The following SFMBT2 variants were observed in gnomAD, a reference collection of about 807,000 sequenced individuals.
SFMBT2 encodes the protein Scm like with four mbt domains 2.
SFMBT2 carries 38 observed loss-of-function variants against 110.1 expected under a neutral mutation model. The observed-to-expected ratio is 0.35, with a 90% CI of 0.27 to 0.45. The LOEUF (loss-of-function observed/expected upper bound fraction) is 0.45. Ranked by LOEUF, SFMBT2 falls within the 20% of genes least tolerant of loss-of-function variation. The pLI is 1.00. For synonymous variants in SFMBT2, 425 were observed against 425.4 expected, an observed-to-expected ratio of 1.00 and a Z score of 0.01; for missense variants, 1,011 against 1,094.9, an observed-to-expected ratio of 0.92 and a Z score of 1.08.
At chr10:7,318,844 C>T (rs951200840) in intron 4 of SFMBT2, among the ~76,000 whole-genome samples, 3 of 152,206 alleles carry the variant, frequency 2.0e-5, no homozygotes, top group African/African-American at 7.2e-5. Flanking sequence ...GTACACAATT[C>T]CTCAAATCCT....
intron 7 of SFMBT2, among the ~76,000 whole-genome samples, chr10:7,253,427 TA>T: frequency 6.6e-6 from 1 of 152,280 alleles, no homozygotes; most frequent in South Asian, 2.1e-4. Context: ...AGAAATGAAT[TA>T]AACTGCAGGA....
intron 4 of SFMBT2, among the ~76,000 whole-genome samples, chr10:7,332,125 A>G (rs1218986920): frequency 6.6e-6 from 1 of 151,890 alleles, no homozygotes; most frequent in Non-Finnish European, 1.5e-5. Flanking sequence ...TATGGAGGCT[A>G]CTGGTATTGG....
chr10:7,262,377 A>C (rs191275588), intron 7 of SFMBT2, among the ~76,000 whole-genome samples: 38 of 152,314 alleles, frequency 2.5e-4, no homozygotes, highest in Middle Eastern at 3.4e-3. Context: ...AAAATGGCCC[A>C]AAAAATAAAA....
At position 7,161,012 on chromosome 10, in the gene SFMBT2, C is replaced by CCT. The variant is rs1837536873; in HGVS notation, c.*2756_*2757dup. The CCT allele has an allele frequency of 6.6e-6, 1 of 152,296 alleles. No homozygotes were observed. The highest frequency in any genetic ancestry group is 2.4e-5 in the African/African-American group (1 of 41,466). The allele number at this position is 152,296 out of a possible 1,614,324, so 9.4% of individuals were successfully genotyped here. On this transcript the variant is annotated 3_prime_UTR_variant, in exon 21 of 21. Transcript: ENST00000397167. The stretch of plus-strand genomic sequence containing the variant: ...TCCTGTGCAGTGGTCCCAGCCATCT[C>CCT]CTCCCTGGCACGTGCACAGACAGTG...
chr10:7,320,346 C>T (rs1250509092), intron 4 of SFMBT2, among the ~76,000 whole-genome samples: 1 of 152,180 alleles, frequency 6.6e-6, no homozygotes, highest in African/African-American at 2.4e-5. Flanking sequence ...TACCATCTTG[C>T]CCCGCGGTAT....
chr10:7,164,081 T>A, intron 20 of SFMBT2, 171 bp from the exon 21 acceptor site: 1 of 985,432 alleles, frequency 1.0e-6, no homozygotes, highest in Non-Finnish European at 1.2e-6. Flanking sequence ...CTGTCTAATC[T>A]TTGTGTTACT....
intron 8 of SFMBT2, 55 bp from the exon 9 acceptor site, chr10:7,243,760 T>G (rs973364952): frequency 1.6e-4 from 131 of 808,258 alleles, no homozygotes; most frequent in Non-Finnish European, 2.1e-4. Flanking sequence ...TTACATATAA[T>G]GCTAGTATAA....
chr10:7,173,779 C>A (rs1014943998), intron 17 of SFMBT2, among the ~76,000 whole-genome samples: 6 of 152,280 alleles, frequency 3.9e-5, no homozygotes, highest in Middle Eastern at 3.4e-3. Flanking sequence ...AGCCAAGGAA[C>A]CTTTATCTAC....
rs1487841634 is a variant in SFMBT2, at chr10:7,293,105, G to A, written c.437-7151C>T. 6.6e-6 allele frequency among the ~76,000 whole-genome samples: 1 copy of A among 152,162 alleles called. No homozygotes were observed. Among genetic ancestry groups the A allele is most frequent in the Non-Finnish European group, 1.5e-5 (1 of 68,024 alleles). ...GGAGTCTCACTCTGTCTGGAATGCA[G>A]TGGCGCGATCTCGACTCACTGCAAC... On this transcript the variant is annotated intron_variant, in intron 4 of 20. Transcript: ENST00000397167. The surrounding 1 kb of genome is among the most constrained non-coding windows in gnomAD (Gnocchi z 4.6).
At chr10:7,248,106 C>T (rs1840674829) in intron 8 of SFMBT2, among the ~76,000 whole-genome samples, 1 of 152,178 alleles carries the variant, frequency 6.6e-6, no homozygotes, top group Non-Finnish European at 1.5e-5. Context: ...ATCTTAGAAG[C>T]ATGAGTTTTT....
At chr10:7,401,890 T>C (rs553427973) in intron 1 of SFMBT2, among the ~76,000 whole-genome samples, 2 of 152,322 alleles carry the variant, frequency 1.3e-5, no homozygotes, top group South Asian at 4.1e-4. Context: ...CGCACAACCA[T>C]GCATCTCATT....
chr10:7,302,623 A>T (rs1343215200), intron 4 of SFMBT2, among the ~76,000 whole-genome samples: 3 of 152,206 alleles, frequency 2.0e-5, no homozygotes, highest in Non-Finnish European at 1.5e-5. Flanking sequence ...GGTCTAGTAA[A>T]AGTGATTGAT....
rs117173273 is a variant in SFMBT2 at position 7,165,565 on chromosome 10, T to C, written c.2545-1655A>G. 5.5e-3 allele frequency among the ~76,000 whole-genome samples: 845 copies of C among 152,332 alleles called. 3 individuals are homozygous for C. Among genetic ancestry groups the C allele is most frequent in the Non-Finnish European group, 7.5e-3 (510 of 68,040 alleles). On this transcript the variant is annotated intron_variant, in intron 20 of 20. Transcript: ENST00000397167. Reference sequence around the variant, plus strand: ...TACTGTAGCAATAAAAATGCAACATTAACTTTAAAAGTATCAATGTGAGTG... The same window carrying C: ...TACTGTAGCAATAAAAATGCAACATCAACTTTAAAAGTATCAATGTGAGTG...
intron 7 of SFMBT2, among the ~76,000 whole-genome samples, chr10:7,264,378 G>T (rs929390284): frequency 2.0e-5 from 3 of 152,066 alleles, no homozygotes; most frequent in African/African-American, 7.3e-5. Context: ...TGTCAAAGAC[G>T]ACAGAGACTG....
At chr10:7,203,653 G>C in intron 12 of SFMBT2, 1 of 983,250 alleles carries the variant, frequency 1.0e-6, no homozygotes. Flanking sequence ...CCCAACCCCA[G>C]GACAACACTC....
At position 7,293,939 on chromosome 10, in the gene SFMBT2, G is replaced by T. The variant is rs570527069; in HGVS notation, c.437-7985C>A. On this transcript the variant is annotated intron_variant, in intron 4 of 20. Coordinates refer to ENST00000397167, the MANE Select transcript of SFMBT2 (RefSeq NM_001387889.1). The surrounding 1 kb of genome is among the most constrained non-coding windows in gnomAD (Gnocchi z 4.6). Reference sequence around the variant, plus strand: ...TCCATCTCATCAGTTACGCTGATGTGTATCAGTGATGTATATCACAGACAT... The same window carrying T: ...TCCATCTCATCAGTTACGCTGATGTTTATCAGTGATGTATATCACAGACAT... 9.8e-5 allele frequency among the ~76,000 whole-genome samples: 15 copies of T among 152,314 alleles called. No individual in the cohort carries two copies. The East Asian group carries it at 2.7e-3, about 27-fold the overall frequency.
intron 14 of SFMBT2, 65 bp downstream of exon 14, chr10:7,200,349 T>C (rs1838912860): frequency 7.7e-7 from 1 of 1,295,800 alleles, no homozygotes; most frequent in Non-Finnish European, 1.0e-6. Flanking sequence ...TAGAAACCTA[T>C]ACATGTCTCT....
intron 4 of SFMBT2, among the ~76,000 whole-genome samples, chr10:7,323,452 AAAAAAAAAAAAAAAAACC>A (rs1357798304): frequency 1.8e-4 from 21 of 119,500 alleles, no homozygotes; most frequent in Non-Finnish European, 2.7e-4. Flanking sequence ...CTCCATCTCA[AAAAAAAAAAAAAAAAACC>A]AAAAAAAAAA....
intron 3 of SFMBT2, chr10:7,368,439 C>A (rs1844970613): frequency 1.2e-6 from 1 of 822,152 alleles, no homozygotes; most frequent in Admixed American, 6.2e-5. Flanking sequence ...CATTGCAAAG[C>A]TGACATATCC....
Sources: gnomAD v4.1 joint callset for allele counts (sites outside exome capture counted in the v4.1 genomes callset) on GRCh38, gnomAD v4.1.1 for gene constraint, Gnocchi (gnomAD v3.1) non-coding constraint, MANE v1.5 for transcripts, NCBI Gene and HGNC (gene_info 2026-07-23, HGNC 2026-07-21) for gene names.